The following ZBBX variants were observed in gnomAD, a reference collection of about 807,000 sequenced individuals.
ZBBX encodes zinc finger B-box domain-containing protein 1.
In ZBBX, 101 loss-of-function variants were observed where a neutral mutation model predicts 108.5. The observed-to-expected ratio is 0.93, with a 90% confidence interval of 0.79 to 1.10. The LOEUF (loss-of-function observed/expected upper bound fraction) is 1.10, where lower values mean the gene tolerates loss of function less well. Ranked by LOEUF, ZBBX falls within the 50% of genes least tolerant of loss-of-function variation. ZBBX has a pLI of 0.00. For synonymous variants in ZBBX, 356 were observed against 323.4 expected (o/e 1.10, Z -1.08); for missense variants, 1,009 against 941.4 (o/e 1.07, Z -0.94).
chr3:167,294,220 AAG>A (rs1254484008), intron 18 of ZBBX, among the ~76,000 whole-genome samples: 1 of 152,174 alleles, frequency 6.6e-6, no homozygotes, highest in Non-Finnish European at 1.5e-5. Context: ...GGAAACAAAA[AAG>A]AGCCCGCATG....
intron 5 of ZBBX, among the ~76,000 whole-genome samples, chr3:167,366,541 AT>A (rs1296518916): frequency 6.6e-6 from 1 of 151,892 alleles, no homozygotes; most frequent in East Asian, 1.9e-4. Flanking sequence ...AGAGAGTCCA[AT>A]TATCATTAAA....
chr3:167,309,975 A>T (rs1475240349), intron 16 of ZBBX, among the ~76,000 whole-genome samples: 1 of 152,152 alleles, frequency 6.6e-6, no homozygotes, highest in Non-Finnish European at 1.5e-5. Flanking sequence ...TTTCTTTGTG[A>T]ATGCATATGA....
chr3:167,337,564 G>T (rs1739777406), intron 9 of ZBBX, among the ~76,000 whole-genome samples: 1 of 152,048 alleles, frequency 6.6e-6, no homozygotes, highest in Admixed American at 6.6e-5. Context: ...CAGATCAGTA[G>T]TCAATCTAAA....
At chr3:167,369,698 T>G (rs1460282032) in intron 4 of ZBBX, among the ~76,000 whole-genome samples, 1 of 152,140 alleles carries the variant, frequency 6.6e-6, no homozygotes, top group East Asian at 1.9e-4. Context: ...AATAGTGCTG[T>G]CATTGGGGAA....
At chr3:167,386,148 A>G (rs1747916124) in intron 1 of ZBBX, among the ~76,000 whole-genome samples, 1 of 152,078 alleles carries the variant, frequency 6.6e-6, no homozygotes, top group African/African-American at 2.4e-5. Context: ...AAAGGATAAA[A>G]GGTAAAAAAA....
chr3:167,192,537 T>C, the ZBBX span, among the ~76,000 whole-genome samples: 2 of 152,222 alleles, frequency 1.3e-5, no homozygotes, highest in South Asian at 2.1e-4. Context: ...TTGCTCTTGT[T>C]GCTTTCAGGA....
chr3:167,320,633 A>T (rs929333988), intron 12 of ZBBX, among the ~76,000 whole-genome samples: 1 of 152,040 alleles, frequency 6.6e-6, no homozygotes, highest in African/African-American at 2.4e-5. Flanking sequence ...TTTATCAATT[A>T]TAAAGGGAAA....
intron 20 of ZBBX, among the ~76,000 whole-genome samples, chr3:167,267,929 G>C (rs1304913200): frequency 1.4e-4 from 21 of 150,860 alleles, no homozygotes; most frequent in Admixed American, 1.4e-3. Context: ...TCCTGCCCCA[G>C]ATCCTTCTTC....
chr3:167,401,939 G>C (rs146131488), intron 1 of ZBBX, among the ~76,000 whole-genome samples: 2 of 152,242 alleles, frequency 1.3e-5, no homozygotes, highest in African/African-American at 4.8e-5. Context: ...TGAAAGGCTT[G>C]ATGAACTGAT....
the ZBBX span, among the ~76,000 whole-genome samples, chr3:167,181,825 G>T: frequency 6.6e-6 from 1 of 152,182 alleles, no homozygotes; most frequent in Admixed American, 6.5e-5. Flanking sequence ...CTACCTAGAA[G>T]TAATCCTACT....
intron 20 of ZBBX, 55 bp downstream of exon 20, chr3:167,282,183 G>T (rs55855168): frequency 2.0e-6 from 3 of 1,512,544 alleles, no homozygotes; most frequent in Admixed American, 2.1e-5. Context: ...TGAAGAATCC[G>T]GCTGAGGGCA....
chr3:167,394,642 AGCCT>A (rs1283645073), intron 1 of ZBBX, among the ~76,000 whole-genome samples: 18 of 151,968 alleles, frequency 1.2e-4, no homozygotes, highest in Non-Finnish European at 2.4e-4. Flanking sequence ...CAAAGAAGCA[AGCCT>A]TCATTAATGT....
intron 17 of ZBBX, among the ~76,000 whole-genome samples, chr3:167,302,726 A>T (rs931488312): frequency 6.6e-6 from 1 of 152,194 alleles, no homozygotes; most frequent in African/African-American, 2.4e-5. Flanking sequence ...AAATGACTTT[A>T]TCACTCACAA....
the ZBBX span, among the ~76,000 whole-genome samples, chr3:167,225,215 A>C: frequency 6.6e-6 from 1 of 151,948 alleles, no homozygotes; most frequent in East Asian, 1.9e-4. Flanking sequence ...CTGAGTTTCC[A>C]CTAGACACGT....
At chr3:167,383,755 A>G (rs905695985), upstream of ZBBX, among the ~76,000 whole-genome samples, 9 of 152,116 alleles carry the variant, frequency 5.9e-5, no homozygotes, top group African/African-American at 2.2e-4. Context: ...GCATAGTTAA[A>G]TTTAATCAAC....
At chr3:167,305,046 T>G (rs7635118) in intron 17 of ZBBX, among the ~76,000 whole-genome samples, 1 of 152,108 alleles carries the variant, frequency 6.6e-6, no homozygotes, top group East Asian at 1.9e-4. Flanking sequence ...AATGTATTAT[T>G]AATAATTACA....
chr3:167,407,171 T>C (rs1253260312), intron 1 of ZBBX, among the ~76,000 whole-genome samples: 1 of 152,182 alleles, frequency 6.6e-6, no homozygotes, highest in African/African-American at 2.4e-5. Flanking sequence ...AGTATAAATA[T>C]GTGCTTATCA....
At chr3:167,283,584 A>G (rs1246205199) in intron 19 of ZBBX, among the ~76,000 whole-genome samples, 1 of 152,184 alleles carries the variant, frequency 6.6e-6, no homozygotes, top group Non-Finnish European at 1.5e-5. Context: ...AAAATTCAAA[A>G]AAGTGACTAC....
chr3:167,198,696 G>A, the ZBBX span, among the ~76,000 whole-genome samples: 10 of 152,250 alleles, frequency 6.6e-5, no homozygotes, highest in Admixed American at 6.5e-4. Context: ...AAACCACTGA[G>A]TAAATACATA....
Sources: allele counts gnomAD v4.1 joint callset (sites outside exome capture counted in the v4.1 genomes callset), GRCh38; gene constraint gnomAD v4.1.1; transcripts MANE v1.5; gene names NCBI Gene and HGNC (gene_info 2026-07-23, HGNC 2026-07-21).